PCDH9: variants seen among roughly 807,000 people sequenced by gnomAD.
The protein encoded by PCDH9 is protocadherin-9.
Under a neutral mutation model 70.6 loss-of-function variants are expected in PCDH9, and 24 were observed. The observed-to-expected ratio is 0.34, with a 90% confidence interval of 0.25 to 0.48. PCDH9 has a LOEUF of 0.48. Ranked by LOEUF, PCDH9 falls within the 20% of genes least tolerant of loss-of-function variation. PCDH9 has a pLI of 0.99. For missense variants in PCDH9, 1,281 were observed against 1,503.6 expected (o/e 0.85, Z 2.45); for synonymous variants, 562 against 558.5 (o/e 1.01, Z -0.09).
At chr13:66,854,808 C>T (rs888324722) in intron 3 of PCDH9, among the ~76,000 whole-genome samples, 6 of 151,954 alleles carry the variant, frequency 3.9e-5, no homozygotes, top group Non-Finnish European at 7.4e-5. Context: ...AGGAGTTCAA[C>T]GTTAACGAAT....
At chr13:66,641,590 T>C (rs2077709379) in intron 3 of PCDH9, among the ~76,000 whole-genome samples, 3 of 152,114 alleles carry the variant, frequency 2.0e-5, no homozygotes, top group Admixed American at 1.3e-4. Flanking sequence ...TTTTCCAGAA[T>C]TGAGGAGAGA....
intron 3 of PCDH9, among the ~76,000 whole-genome samples, chr13:66,748,232 A>G (rs2079402829): frequency 6.6e-6 from 1 of 152,220 alleles, no homozygotes; most frequent in East Asian, 1.9e-4. Context: ...ATCAATAGCA[A>G]TAGTTGAATA....
intron 2 of PCDH9, among the ~76,000 whole-genome samples, chr13:67,152,808 A>C (rs1321751367): frequency 6.6e-6 from 1 of 152,214 alleles, no homozygotes; most frequent in African/African-American, 2.4e-5. Flanking sequence ...ACACTGAAGG[A>C]GTAAGAATGA....
intron 3 of PCDH9, among the ~76,000 whole-genome samples, chr13:66,809,604 T>C (rs7322354): frequency 0.96 from 146,448 of 152,228 alleles, 70,698 homozygotes; most frequent in East Asian, 1. Flanking sequence ...TGTGTGTATA[T>C]GCAGCAATGG....
intron 2 of PCDH9, among the ~76,000 whole-genome samples, chr13:67,087,145 T>C (rs2086124817): frequency 6.6e-6 from 1 of 151,596 alleles, no homozygotes; most frequent in Non-Finnish European, 1.5e-5. Context: ...TTTTCCCCAT[T>C]GATTATTAAG....
chr13:66,461,703 GA>G (rs1343409012), intron 4 of PCDH9, among the ~76,000 whole-genome samples: 1 of 151,740 alleles, frequency 6.6e-6, no homozygotes, highest in African/African-American at 2.4e-5. Flanking sequence ...GTTTTTCTGA[GA>G]AATGTTGTCA....
intron 2 of PCDH9, among the ~76,000 whole-genome samples, chr13:66,974,306 G>A (rs183216337): frequency 6.6e-6 from 1 of 152,072 alleles, no homozygotes; most frequent in Admixed American, 6.6e-5. Context: ...GCAAAGGATT[G>A]TAGAAAAGAA....
chr13:66,826,838 G>C (rs567750407), intron 3 of PCDH9, among the ~76,000 whole-genome samples: 4 of 152,218 alleles, frequency 2.6e-5, no homozygotes, highest in African/African-American at 9.6e-5. Flanking sequence ...GAGAAACTTG[G>C]AGGCTGTAAA....
At chr13:66,977,874 G>A (rs374888075) in intron 2 of PCDH9, among the ~76,000 whole-genome samples, 2 of 152,080 alleles carry the variant, frequency 1.3e-5, no homozygotes, top group South Asian at 4.1e-4. Context: ...ATAGAAAATA[G>A]CTACAAGGCA....
chr13:66,466,320 TCTC>T (rs1468134680), intron 4 of PCDH9, among the ~76,000 whole-genome samples: 4 of 152,020 alleles, frequency 2.6e-5, no homozygotes, highest in African/African-American at 7.2e-5. Context: ...TGACTTCTAG[TCTC>T]CTTCACACCT....
chr13:67,203,321 T>C (rs1020133171), intron 2 of PCDH9: 10 of 152,118 alleles, frequency 6.6e-5, no homozygotes, highest in African/African-American at 2.2e-4. Flanking sequence ...TAATAGACTT[T>C]GTAATTCTGT....
At chr13:67,022,722 C>A (rs2084702640) in intron 2 of PCDH9, among the ~76,000 whole-genome samples, 1 of 152,140 alleles carries the variant, frequency 6.6e-6, no homozygotes, top group African/African-American at 2.4e-5. Flanking sequence ...AACACCCTCA[C>A]CTATTTTAAA....
In PCDH9 at chr13:67,225,751, T is replaced by C. The variant is rs760164850; in HGVS notation, c.2690A>G (p.His897Arg). The change falls in exon 2 of 5, where the codon CAT (histidine) becomes CGT (arginine). Residue 897 changes from histidine to arginine, a missense_variant. Physicochemically the swap from His to Arg is conservative, Grantham distance 29. Around this residue, in one of 4 missense-constraint regions of PCDH9, gnomAD observed 207 missense variants for 191.8 expected, o/e 1.08. Coordinates refer to ENST00000377865, the MANE Select transcript of PCDH9 (RefSeq NM_203487.3). ...IEESKPDDAVHEPINGTISLP... is the reference protein window; with the variant it reads ...IEESKPDDAVREPINGTISLP... ...GCTTATTGTCCCATTGATAGGTTCATGAACTGCATCATCGGGTTTGGACTC... is the reference window on the plus strand; with the variant it reads ...GCTTATTGTCCCATTGATAGGTTCACGAACTGCATCATCGGGTTTGGACTC... 1.2e-6 allele frequency: 2 copies of C among 1,613,902 alleles called. No individual in the cohort carries two copies. The highest frequency in any genetic ancestry group is 1.3e-5 in the African/African-American group (1 of 74,938).
intron 2 of PCDH9, among the ~76,000 whole-genome samples, chr13:67,195,476 T>A (rs2089038115): frequency 6.6e-6 from 1 of 152,132 alleles, no homozygotes; most frequent in Non-Finnish European, 1.5e-5. Flanking sequence ...TAATCTCTCT[T>A]CCTTAATAGG....
Position 66,712,266 on chromosome 13 carries a change from G to A in PCDH9, c.3139-80855C>T, listed in dbSNP as rs184901105. On this transcript the variant is annotated intron_variant, in intron 3 of 4. Transcript: ENST00000377865. ...TAAATTTATATGATGTAATAGATTT[G>A]TCAGCTTACATTGAATGAAAAAACG... Among the ~76,000 whole-genome samples, 298 of 152,116 alleles carry A rather than the reference G, an allele frequency of 2.0e-3. 1 individual carries two copies. The highest frequency in any genetic ancestry group is 7.0e-3 in the African/African-American group (290 of 41,514).
At chr13:66,915,402 C>A (rs916615696) in intron 2 of PCDH9, among the ~76,000 whole-genome samples, 1 of 151,472 alleles carries the variant, frequency 6.6e-6, no homozygotes, top group East Asian at 1.9e-4. Flanking sequence ...TTTTCACTTC[C>A]TTTCAATGAA....
At chr13:67,200,336 G>A (rs2089178218) in intron 2 of PCDH9, among the ~76,000 whole-genome samples, 1 of 151,944 alleles carries the variant, frequency 6.6e-6, no homozygotes, top group African/African-American at 2.4e-5. Context: ...CAGTGTAGAG[G>A]TACATGTGTT....
chr13:66,655,828 A>G (rs960848711), intron 3 of PCDH9, among the ~76,000 whole-genome samples: 6 of 152,222 alleles, frequency 3.9e-5, no homozygotes, highest in African/African-American at 1.4e-4. Context: ...TATTACAGTG[A>G]TTAATCAGAC....
chr13:66,405,723 T>A (rs1485334315), intron 4 of PCDH9, among the ~76,000 whole-genome samples: 1 of 152,148 alleles, frequency 6.6e-6, no homozygotes, highest in Non-Finnish European at 1.5e-5. Context: ...GAGGACAGAA[T>A]GTTTCTACCT....
Sources: gnomAD v4.1 joint callset for allele counts (sites outside exome capture counted in the v4.1 genomes callset) on GRCh38, gnomAD v4.1.1 for gene constraint, gnomAD v4.1.1 regional missense constraint, MANE v1.5 for transcripts, NCBI Gene and HGNC (gene_info 2026-07-23, HGNC 2026-07-21) for gene names.